Variants in PCDH15 observed in about 807,000 individuals in gnomAD.
PCDH15 encodes protocadherin-15.
Under a neutral mutation model 178.5 loss-of-function variants are expected in PCDH15, and 129 were observed. The ratio of observed to expected loss-of-function variants is 0.72; its 90% CI spans 0.63 to 0.84. PCDH15 has a LOEUF of 0.84. PCDH15 is among the 40% of genes least tolerant of loss of function. The pLI is 0.00. For synonymous variants in PCDH15, 800 were observed against 732.0 expected (o/e 1.09, Z -1.50); for missense variants, 2,230 against 2,099.9 (o/e 1.06, Z -1.21).
intron 2 of PCDH15, among the ~76,000 whole-genome samples, chr10:55,449,056 T>C (rs1237711694): frequency 6.6e-6 from 1 of 152,064 alleles, no homozygotes; most frequent in East Asian, 1.9e-4. Context: ...TAATCAAATT[T>C]ATAGATAGAT....
intron 1 of PCDH15, among the ~76,000 whole-genome samples, chr10:54,702,840 C>T (rs1334824798): frequency 1.3e-5 from 2 of 152,004 alleles, no homozygotes; most frequent in African/African-American, 4.8e-5. Context: ...GGAGCAACTC[C>T]TCCTCACTGA....
intron 3 of PCDH15, among the ~76,000 whole-genome samples, chr10:54,518,239 C>CA (rs573096203): frequency 0.023 from 3,446 of 151,930 alleles, 127 homozygotes; most frequent in African/African-American, 0.078. Flanking sequence ...AATAGAGACA[C>CA]AAAAAACCCT....
intron 1 of PCDH15, among the ~76,000 whole-genome samples, chr10:54,764,211 G>A (rs1447772590): frequency 6.6e-6 from 1 of 152,044 alleles, no homozygotes; most frequent in African/African-American, 2.4e-5. Flanking sequence ...CACTGAATGA[G>A]CTTGCCATAT....
At chr10:53,815,926 T>G (rs1173793425) in intron 35 of PCDH15, among the ~76,000 whole-genome samples, 1 of 152,152 alleles carries the variant, frequency 6.6e-6, no homozygotes, top group Non-Finnish European at 1.5e-5. Flanking sequence ...GAATTCAGAT[T>G]GATTAAGACA....
intron 30 of PCDH15, among the ~76,000 whole-genome samples, chr10:53,829,652 C>T (rs1016447635): frequency 6.6e-6 from 1 of 152,100 alleles, no homozygotes; most frequent in Non-Finnish European, 1.5e-5. Flanking sequence ...AGTATATCAA[C>T]CTTAATGCTG....
At chr10:54,582,108 T>TA (rs978564478) in intron 2 of PCDH15, among the ~76,000 whole-genome samples, 1 of 151,874 alleles carries the variant, frequency 6.6e-6, no homozygotes, top group Non-Finnish European at 1.5e-5. Context: ...CACAGCAATA[T>TA]AAAAAAATTT....
In PCDH15 at chr10:54,020,420, T is replaced by A. The variant is rs778122810; in HGVS notation, c.2527-4A>T. 6.8e-6 allele frequency: 11 copies of A among 1,613,284 alleles called. No individual in the cohort carries two copies. Among genetic ancestry groups the A allele is most frequent in the Non-Finnish European group, 9.3e-6 (11 of 1,179,498 alleles). On this transcript the variant is annotated splice_region_variant and splice_polypyrimidine_tract_variant and intron_variant, in intron 19 of 37. Transcript: ENST00000644397. ...CTCCAAGGTCGACATCTTTGGCCTG[T>A]AATAAGCAGAAGAATAGTTTTATTA... is the stretch of plus-strand genomic sequence containing the variant.
At chr10:54,829,772 T>C (rs955970670) in intron 3 of PCDH15, among the ~76,000 whole-genome samples, 6 of 152,254 alleles carry the variant, frequency 3.9e-5, no homozygotes, top group African/African-American at 7.2e-5. Flanking sequence ...GTTGTTTTCA[T>C]GTCATTATGA....
At chr10:54,036,883 T>A (rs1317698990) in intron 18 of PCDH15, among the ~76,000 whole-genome samples, 1 of 151,960 alleles carries the variant, frequency 6.6e-6, no homozygotes, top group African/African-American at 2.4e-5. Context: ...ACATTTTTGA[T>A]TCATGGAAGG....
chr10:54,038,479 C>T (rs187221082), intron 18 of PCDH15, among the ~76,000 whole-genome samples: 6 of 151,992 alleles, frequency 3.9e-5, no homozygotes, highest in African/African-American at 1.2e-4. Flanking sequence ...CAACTACAGC[C>T]TTGGCCAACC....
intron 11 of PCDH15, among the ~76,000 whole-genome samples, chr10:54,191,037 T>A (rs1044285579): frequency 3.9e-5 from 6 of 152,190 alleles, no homozygotes; most frequent in African/African-American, 1.4e-4. Flanking sequence ...GGATAGGCCA[T>A]CTTGTGAAAT....
At chr10:54,110,092 A>G (rs544608024) in intron 15 of PCDH15, among the ~76,000 whole-genome samples, 1 of 152,262 alleles carries the variant, frequency 6.6e-6, no homozygotes, top group East Asian at 1.9e-4. Context: ...TGAACTTGGT[A>G]ATAAGTTTGT....
At chr10:55,037,839 T>A (rs113672856) in intron 2 of PCDH15, among the ~76,000 whole-genome samples, 3 of 152,332 alleles carry the variant, frequency 2.0e-5, no homozygotes, top group African/African-American at 7.2e-5. Flanking sequence ...AAATGTAATA[T>A]CTTTATTCTT....
intron 25 of PCDH15, among the ~76,000 whole-genome samples, chr10:53,909,728 G>T (rs2082936060): frequency 1.3e-5 from 2 of 152,148 alleles, no homozygotes; most frequent in Non-Finnish European, 2.9e-5. Flanking sequence ...AAGCAAAAGG[G>T]GTTGGGGGAT....
intron 2 of PCDH15, among the ~76,000 whole-genome samples, chr10:54,906,756 T>C (rs1285813928): frequency 6.6e-6 from 1 of 152,146 alleles, no homozygotes; most frequent in Non-Finnish European, 1.5e-5. Flanking sequence ...AGCAAGTACA[T>C]AGGAATCCAT....
intron 1 of PCDH15, among the ~76,000 whole-genome samples, chr10:55,251,251 C>CATGT (rs1841828965): frequency 1.3e-5 from 2 of 151,986 alleles, no homozygotes; most frequent in African/African-American, 4.8e-5. Context: ...TATGTAGATA[C>CATGT]ATGTATCTAC....
intron 2 of PCDH15, among the ~76,000 whole-genome samples, chr10:54,982,459 G>A (rs569145071): frequency 3.1e-4 from 47 of 152,202 alleles, no homozygotes; most frequent in South Asian, 2.3e-3. Context: ...GATAAAACTT[G>A]AAGAAGAAAT....
intron 28 of PCDH15, among the ~76,000 whole-genome samples, chr10:53,855,292 C>A (rs192589891): frequency 6.6e-6 from 1 of 151,802 alleles, no homozygotes; most frequent in African/African-American, 2.4e-5. Context: ...TAATAGACAA[C>A]GGAATCAGAG....
chr10:54,186,484 T>G (rs2048482041), intron 11 of PCDH15, among the ~76,000 whole-genome samples: 2 of 152,020 alleles, frequency 1.3e-5, no homozygotes, highest in South Asian at 4.1e-4. Context: ...AACATTGTGA[T>G]ATGTGTAGAT....
Sources: allele counts gnomAD v4.1 joint callset (sites outside exome capture counted in the v4.1 genomes callset), GRCh38; gene constraint gnomAD v4.1.1; transcripts MANE v1.5; gene names NCBI Gene and HGNC (gene_info 2026-07-23, HGNC 2026-07-21).